Variants in BBS10 observed in about 807,000 individuals in gnomAD.
BBS10 encodes Bardet-Biedl syndrome 10.
Under a neutral mutation model 12.7 loss-of-function variants are expected in BBS10, and 13 were observed. The observed-to-expected ratio is 1.03, with a 90% confidence interval of 0.67 to 1.63. BBS10 has a LOEUF of 1.63. Ranked by LOEUF, BBS10 falls within the 40% of genes most tolerant of loss-of-function variation. BBS10 has a pLI of 0.00. For synonymous variants in BBS10, 294 were observed against 304.8 expected (o/e 0.96, Z 0.37); for missense variants, 858 against 858.0 (o/e 1.00, Z 0.00).
Position 76,347,516 on chromosome 12 carries a change from A to AGAT in BBS10, c.466_468dup (p.Ile156dup). On this transcript the variant is annotated inframe_insertion, in exon 2 of 2. Coordinates refer to ENST00000650064, the MANE Select transcript of BBS10 (RefSeq NM_024685.4). ...AATGTTCTCTCTTTAGCAGACGAAA[A>AGAT]GATAGACAAAAAGTGTCTACTTAGG... 1 of 1,613,856 alleles carries AGAT rather than the reference A, an allele frequency of 6.2e-7. No homozygotes were observed. The highest frequency in any genetic ancestry group is 8.5e-7 in the Non-Finnish European group (1 of 1,180,024).
Position 76,346,964 on chromosome 12 carries a change from G to A in BBS10, c.1021C>T (p.Leu341Phe). The part of the protein sequence containing the change: ...VECLSSEEVS[L>F]IRRIIGLSPF... ...GAAAGACCAATGATCCTCCGGATAA[G>A]AGAAACTTCTTCTGATGATAAACAC... is the stretch of plus-strand genomic sequence containing the variant. The change falls in exon 2 of 2, where the codon CTT becomes TTT. Residue 341 changes from leucine to phenylalanine, a missense_variant. Leu to Phe is a conservative substitution (Grantham distance 22). Transcript: ENST00000650064. The A allele has an allele frequency of 1.2e-6, 2 of 1,610,910 alleles. No homozygotes were observed. Among genetic ancestry groups the A allele is most frequent in the Non-Finnish European group, 1.7e-6 (2 of 1,179,994 alleles).
At position 76,347,786 on chromosome 12, in the gene BBS10, T is replaced by C. The variant is rs1161636895; in HGVS notation, c.199A>G (p.Met67Val). 2 of 1,600,426 alleles carry C rather than the reference T, an allele frequency of 1.2e-6. No homozygotes were observed. Among genetic ancestry groups the C allele is most frequent in the East Asian group, 2.2e-5 (1 of 44,882 alleles). Residue 67 changes from methionine (M) to valine (V), a missense_variant and splice_region_variant, in exon 2 of 2, where the codon ATG (methionine) becomes GTG (valine). By Grantham distance (21) the Met-to-Val change is conservative. Transcript: ENST00000650064. Reference sequence around the variant, plus strand: ...TGACTGGAAACACAGTCCACTATCATCCTGTACAAAAAAGAAATAAAGCAA... The same window carrying C: ...TGACTGGAAACACAGTCCACTATCACCCTGTACAAAAAAGAAATAAAGCAA... ...ALHLEHPIAR[M>V]IVDCVSSHLK...
chr12:76,344,687 C>T lies in BBS10; in HGVS notation c.*1126G>A, dbSNP rs555388982. The T allele has an allele frequency of 6.6e-6, 1 of 152,120 alleles. No individual in the cohort carries two copies. The highest frequency in any genetic ancestry group is 2.4e-5 in the African/African-American group (1 of 41,538). 9.4% of individuals were successfully genotyped at this position (152,120 alleles called of 1,614,324 possible). ...TTAAAGTTTTTTTTCTTCAGTCAAT[C>T]CCAAGTAAGAATCTGTTGAATAAGT... On this transcript the variant is annotated 3_prime_UTR_variant, in exon 2 of 2. Coordinates refer to ENST00000650064, the MANE Select transcript of BBS10 (RefSeq NM_024685.4).
chr12:76,346,159 A>G lies in BBS10; in HGVS notation c.1826T>C (p.Leu609Ser). 6.2e-7 allele frequency: 1 copy of G among 1,610,496 alleles called. No individual in the cohort carries two copies. Among genetic ancestry groups the G allele is most frequent in the Non-Finnish European group, 8.5e-7 (1 of 1,179,040 alleles). ...VLPVGGNFEI[L>S]LHYYLLNYAK... ...ATAATTGAGAAGATAGTAATGTAAC[A>G]AGATCTCAAAATTACCACCTACTGG... The change falls in exon 2 of 2, where the codon TTG (leucine) becomes TCG (serine). Residue 609 changes from leucine (L) to serine (S), a missense_variant. Coordinates refer to ENST00000650064, the MANE Select transcript of BBS10 (RefSeq NM_024685.4).
rs1377025189 is a variant in BBS10 at position 76,346,836 on chromosome 12, A to G, written c.1149T>C (p.His383=). 17 of 1,614,130 alleles carry G rather than the reference A, an allele frequency of 1.1e-5. No homozygotes were observed. The highest frequency in any genetic ancestry group is 1.4e-5 in the Non-Finnish European group (16 of 1,180,008). The change falls in exon 2 of 2, where the codon CAT becomes CAC. Residue 383 remains histidine, a synonymous_variant. Transcript: ENST00000650064. ...PLILRSKRYV[H]LGLISTCAFI... ...ATGCACATGTGCTTATCAAGCCTAG[A>G]TGAACATATCTTTTGGATCTAAGGA...
At position 76,347,640 on chromosome 12, in the gene BBS10, G is replaced by C; in HGVS notation, c.345C>G (p.Thr115=). 1.2e-6 allele frequency: 2 copies of C among 1,613,382 alleles called. No homozygotes were observed. The highest frequency in any genetic ancestry group is 1.7e-6 in the Non-Finnish European group (2 of 1,179,922). The part of the protein sequence containing the change: ...KDPLMCENIQ[T]HGRHWKNCSR... ...AACAATTTTTCCAATGCCTTCCATG[G>C]GTTTGAATGTTTTCACACATCAAAG... The change falls in exon 2 of 2, where the codon ACC becomes ACG. Residue 115 remains threonine, a synonymous_variant. Transcript: ENST00000650064.
rs750262556 is a variant in BBS10 at position 76,348,144 on chromosome 12, C to T, written c.197+18G>A. Reference sequence around the variant, plus strand: ...CCTGGGGTGCCCGGCTACGGGTTAGCGTGTGGGACGCGGGTACCTGGCTAT... The same window carrying T: ...CCTGGGGTGCCCGGCTACGGGTTAGTGTGTGGGACGCGGGTACCTGGCTAT... On this transcript the variant is annotated intron_variant, in intron 1 of 1. Transcript: ENST00000650064. The T allele has an allele frequency of 3.8e-6, 6 of 1,599,052 alleles. No homozygotes were observed. The Admixed American group carries it at 8.4e-5, about 23-fold the overall frequency.
Position 76,348,343 on chromosome 12 carries a change from C to T in BBS10, c.16G>A (p.Ala6Thr). The change falls in exon 1 of 2, where the codon GCC (alanine) becomes ACC (threonine). Residue 6 changes from alanine to threonine, a missense_variant. Transcript: ENST00000650064. MLSSM[A>T]AAGSVKAALQ... The stretch of plus-strand genomic sequence containing the variant: ...GCCGCCTTCACAGACCCTGCAGCGG[C>T]CATAGAACTTAACATATCTGGGCCG... 1 of 1,596,088 alleles carries T rather than the reference C, an allele frequency of 6.3e-7. No individual in the cohort carries two copies. The highest frequency in any genetic ancestry group is 8.5e-7 in the Non-Finnish European group (1 of 1,170,918).
In BBS10 at chr12:76,345,657, A is replaced by G. The variant is rs1007763035; in HGVS notation, c.*156T>C. On this transcript the variant is annotated 3_prime_UTR_variant, in exon 2 of 2. Transcript: ENST00000650064. ...TTCCATAAAGTAATTTAATATTTGT[A>G]TCTGGTCTGGTGACCTTAGTGTGCT... is the stretch of plus-strand genomic sequence containing the variant. 3 of 673,864 alleles carry G rather than the reference A, an allele frequency of 4.5e-6. No individual in the cohort carries two copies. Among genetic ancestry groups the G allele is most frequent in the Non-Finnish European group, 7.6e-6 (3 of 393,960 alleles). The allele number at this position is 673,864 out of a possible 1,614,324, so 41.7% of individuals were successfully genotyped here.
chr12:76,345,930 G>A lies in BBS10; in HGVS notation c.2055C>T (p.Tyr685=), dbSNP rs752574665. ...QTGLESVMGK[Y]QLLTSVLQCL... ...ACTGAAGAACTGAAGTTAGTAGCTG[G>A]TATTTACCCATTACTGATTCCAAAC... The change falls in exon 2 of 2, where the codon TAC becomes TAT. Residue 685 remains tyrosine, a synonymous_variant. Coordinates refer to ENST00000650064, the MANE Select transcript of BBS10 (RefSeq NM_024685.4). The A allele has an allele frequency of 3.3e-5, 53 of 1,613,972 alleles. 1 individual carries two copies. In the South Asian group the frequency reaches 5.4e-4, roughly 16 times the overall value.
rs903725118 is a variant in BBS10, at chr12:76,346,602, A to G, written c.1383T>C (p.Gly461=). The G allele has an allele frequency of 5.0e-6, 8 of 1,614,132 alleles. No individual in the cohort carries two copies. Among genetic ancestry groups the G allele is most frequent in the Non-Finnish European group, 5.9e-6 (7 of 1,179,982 alleles). ...GATAAGGCCTTTGTATTGAGCCATT[A>G]CCAGGATCTGGTGCTTGATAACTTT... The part of the protein sequence containing the change: ...SGESYQAPDP[G]NGSIQRPYQD... Residue 461 remains glycine, a synonymous_variant, in exon 2 of 2, where the codon GGT becomes GGC. Coordinates refer to ENST00000650064, the MANE Select transcript of BBS10 (RefSeq NM_024685.4).
rs1047270138 is a variant in BBS10 at position 76,345,126 on chromosome 12, A to G, written c.*687T>C. On this transcript the variant is annotated 3_prime_UTR_variant, in exon 2 of 2. Coordinates refer to ENST00000650064, the MANE Select transcript of BBS10 (RefSeq NM_024685.4). ...TTCTAGTATTAACCTTTTACTACAG[A>G]AATGAAAGAGTTAACAATGCACAGT... 1.3e-5 allele frequency: 2 copies of G among 152,214 alleles called. No individual in the cohort carries two copies. Among genetic ancestry groups the G allele is most frequent in the Non-Finnish European group, 2.9e-5 (2 of 68,026 alleles). The allele number at this position is 152,214 out of a possible 1,614,324, so 9.4% of individuals were successfully genotyped here. A position where few individuals can be genotyped will look rare whatever the true frequency, so the allele number is the denominator to read the frequency against.
rs1171592135 is a variant in BBS10 at position 76,344,724 on chromosome 12, A to G, written c.*1089T>C. 1 of 152,186 alleles carries G rather than the reference A, an allele frequency of 6.6e-6. No individual in the cohort carries two copies. The highest frequency in any genetic ancestry group is 2.4e-5 in the African/African-American group (1 of 41,444). 9.4% of individuals were successfully genotyped at this position (152,186 alleles called of 1,614,324 possible). A position where few individuals can be genotyped will look rare whatever the true frequency, so the allele number is the denominator to read the frequency against. On this transcript the variant is annotated 3_prime_UTR_variant, in exon 2 of 2. Transcript: ENST00000650064. The stretch of plus-strand genomic sequence containing the variant: ...TCTGTTGAATAAGTAAACTGGAAAC[A>G]TGTATTTAAAGGAATGAATTAAAGA...
chr12:76,346,898 G>C lies in BBS10; in HGVS notation c.1087C>G (p.Pro363Ala). ...PPQAFSQCEI[P>A]NTALVKFCKP... is the part of the protein sequence containing the mutation. ...CAAAATTTCACCAAAGCAGTGTTAG[G>C]TATTTCACACTGCGAAAAGGCCTGT... The change falls in exon 2 of 2, where the codon CCT (proline) becomes GCT (alanine). Residue 363 changes from proline to alanine, a missense_variant. Transcript: ENST00000650064. The C allele has an allele frequency of 2.5e-6, 4 of 1,613,124 alleles. No homozygotes were observed. Among genetic ancestry groups the C allele is most frequent in the Non-Finnish European group, 3.4e-6 (4 of 1,179,978 alleles).
Position 76,346,403 on chromosome 12 carries a change from A to G in BBS10, c.1582T>C (p.Leu528=). The change falls in exon 2 of 2, where the codon TTG becomes CTG. Residue 528 remains leucine (L), a synonymous_variant. Transcript: ENST00000650064. ...TAATCAGTTAGCCTGTTTCTTTCCA[A>G]AGACAAACATGTCAGCGTTTCAACT... ...QTVETLTCLS[L]ERNRLTDYYE... The G allele has an allele frequency of 6.2e-7, 1 of 1,614,166 alleles. No homozygotes were observed. Among genetic ancestry groups the G allele is most frequent in the Non-Finnish European group, 8.5e-7 (1 of 1,180,008 alleles).
At position 76,347,776 on chromosome 12, in the gene BBS10, T is replaced by A. The variant is rs529208223; in HGVS notation, c.209A>T (p.Asp70Val). 6.2e-7 allele frequency: 1 copy of A among 1,601,212 alleles called. No individual in the cohort carries two copies. Among genetic ancestry groups the A allele is most frequent in the South Asian group, 1.1e-5 (1 of 90,850 alleles). ...TTTTTTGAGATGACTGGAAACACAGTCCACTATCATCCTGTACAAAAAAGA... is the reference window on the plus strand; with the variant it reads ...TTTTTTGAGATGACTGGAAACACAGACCACTATCATCCTGTACAAAAAAGA... ...LEHPIARMIV[D>V]CVSSHLKKTG... The change falls in exon 2 of 2, where the codon GAC (aspartate) becomes GTC (valine). Residue 70 changes from aspartate to valine, a missense_variant. Transcript: ENST00000650064.
In BBS10 at chr12:76,347,614, G is replaced by T. The variant is rs1174846802; in HGVS notation, c.371C>A (p.Ser124Tyr). 1 of 1,613,790 alleles carries T rather than the reference G, an allele frequency of 6.2e-7. No homozygotes were observed. The highest frequency in any genetic ancestry group is 1.7e-5 in the Admixed American group (1 of 60,006). Residue 124 changes from serine to tyrosine, a missense_variant, in exon 2 of 2, where the codon TCT (serine) becomes TAT (tyrosine). By Grantham distance (144) the Ser-to-Tyr change is moderately radical. Coordinates refer to ENST00000650064, the MANE Select transcript of BBS10 (RefSeq NM_024685.4). Reference sequence around the variant, plus strand: ...AGCCTGGGAAATAAATTTCCACCGAGAACAATTTTTCCAATGCCTTCCATG... The same window carrying T: ...AGCCTGGGAAATAAATTTCCACCGATAACAATTTTTCCAATGCCTTCCATG... ...QTHGRHWKNCSRWKFISQALL... is the reference protein window; with the variant it reads ...QTHGRHWKNCYRWKFISQALL...
In BBS10 at chr12:76,345,883, A is replaced by G; in HGVS notation, c.2102T>C (p.Ile701Thr). 1 of 1,613,834 alleles carries G rather than the reference A, an allele frequency of 6.2e-7. No individual in the cohort carries two copies. The highest frequency in any genetic ancestry group is 8.5e-7 in the Non-Finnish European group (1 of 1,179,774). Residue 701 changes from isoleucine to threonine, a missense_variant, in exon 2 of 2, where the codon ATT (isoleucine) becomes ACT (threonine). By Grantham distance (89) the Ile-to-Thr change is moderately conservative (BLOSUM62 -1). Transcript: ENST00000650064. ...TCTCTTAACAGTGATTACCATGTCA[A>G]TGGTTAATATTTTTGTCAAACACTG... ...VLQCLTKILT[I>T]DMVITVKRHP...
In BBS10 at chr12:76,345,838, T is replaced by C. The variant is rs1201955668; in HGVS notation, c.2147A>G (p.Asn716Ser). ...TVKRHPQKVH[N>S]QDSEDEL is the part of the protein sequence containing the mutation. ...TTATAGTTCATCTTCTGAATCTTGA[T>C]TGTGAACTTTCTGAGGGTGTCTCTT... The change falls in exon 2 of 2, where the codon AAT (asparagine) becomes AGT (serine). Residue 716 changes from asparagine to serine, a missense_variant. Transcript: ENST00000650064. The C allele has an allele frequency of 5.6e-6, 9 of 1,613,754 alleles. No individual in the cohort carries two copies. The East Asian group carries it at 6.7e-5, about 12-fold the overall frequency.
Sources: allele counts gnomAD v4.1 joint callset, GRCh38; gene constraint gnomAD v4.1.1; transcripts MANE v1.5; gene names NCBI Gene and HGNC (gene_info 2026-07-23, HGNC 2026-07-21).